DYNC2H1: variants seen among roughly 807,000 people sequenced by gnomAD.
The protein encoded by DYNC2H1 is dynein cytoplasmic 2 heavy chain 1.
A neutral mutation model predicts 570.0 loss-of-function variants in DYNC2H1; 410 were observed. The ratio of observed to expected loss-of-function variants is 0.72; its 90% confidence interval spans 0.66 to 0.78. The LOEUF (loss-of-function observed/expected upper bound fraction) is 0.78, where lower values mean the gene tolerates loss of function less well. DYNC2H1 is among the 30% of genes least tolerant of loss of function. The pLI, the probability that DYNC2H1 is intolerant of heterozygous loss-of-function variation, is 0.00. For synonymous variants in DYNC2H1, 1,688 were observed against 1,677.6 expected, an observed-to-expected ratio of 1.01 and a Z score of -0.15; for missense variants, 4,865 against 5,046.4, an observed-to-expected ratio of 0.96 and a Z score of 1.09.
chr11:103,154,366 G>T, intron 22 of DYNC2H1, 85 bp from the exon 23 acceptor site: 1 of 1,190,184 alleles, frequency 8.4e-7, no homozygotes. Flanking sequence ...CACATACAAG[G>T]ATTGCAGTTA....
chr11:103,219,514 A>C (rs1186327199), intron 55 of DYNC2H1, among the ~76,000 whole-genome samples: 1 of 152,182 alleles, frequency 6.6e-6, no homozygotes, highest in Non-Finnish European at 1.5e-5. Context: ...TGTGAGGCTG[A>C]GGTAGGAGAA....
intron 54 of DYNC2H1, among the ~76,000 whole-genome samples, chr11:103,215,085 G>A (rs985292868): frequency 4.6e-5 from 7 of 151,998 alleles, no homozygotes; most frequent in African/African-American, 1.7e-4. Context: ...ATAAAATCAT[G>A]CCCAGCTATA....
At chr11:103,196,742 A>C (rs1459244414) in intron 47 of DYNC2H1, among the ~76,000 whole-genome samples, 1 of 152,172 alleles carries the variant, frequency 6.6e-6, no homozygotes, top group Non-Finnish European at 1.5e-5. Flanking sequence ...ACATAGATGC[A>C]AGCACAAAAG....
At position 103,228,773 on chromosome 11, in the gene DYNC2H1, G is replaced by A. The variant is rs55653207; in HGVS notation, c.9354-2487G>A. ...GGTTAACTCTTCAGGTTTCTCAGGC[G>A]GTGGGCAGGGCCTTAGAGCTTTCAA... On this transcript the variant is annotated intron_variant, in intron 59 of 88. Transcript: ENST00000375735. This position sits in a 1 kb window ranked among gnomAD's most constrained non-coding sequence, Gnocchi z 6.1. Among the ~76,000 whole-genome samples the A allele has an allele frequency of 0.11, 16,935 of 152,130 alleles. 981 individuals carry two copies. The highest frequency in any genetic ancestry group is 0.12 in the Non-Finnish European group (8,163 of 67,980).
At chr11:103,146,272 A>T (rs1044674188) in intron 18 of DYNC2H1, among the ~76,000 whole-genome samples, 1 of 152,216 alleles carries the variant, frequency 6.6e-6, no homozygotes, top group African/African-American at 2.4e-5. Context: ...AAGAAAGGCA[A>T]ATAGCTTTCC....
chr11:103,338,079 T>C (rs1335872654), intron 82 of DYNC2H1, among the ~76,000 whole-genome samples: 1 of 152,228 alleles, frequency 6.6e-6, no homozygotes, highest in Non-Finnish European at 1.5e-5. Context: ...TCTAGTTTAA[T>C]TCTTCTGCAT....
intron 82 of DYNC2H1, among the ~76,000 whole-genome samples, chr11:103,346,867 A>G (rs1223348223): frequency 2.6e-5 from 4 of 152,318 alleles, no homozygotes; most frequent in Non-Finnish European, 2.9e-5. Flanking sequence ...TAATAAAATA[A>G]TTGGTTCAGA....
chr11:103,281,647 T>C (rs564076842), intron 71 of DYNC2H1, among the ~76,000 whole-genome samples: 2 of 151,322 alleles, frequency 1.3e-5, no homozygotes, highest in African/African-American at 4.8e-5. Flanking sequence ...AACTTGGGGA[T>C]GCCATGGGGA....
Position 103,199,286 on chromosome 11 carries a change from T to C in DYNC2H1, c.7898T>C (p.Val2633Ala), listed in dbSNP as rs1862623806. The change falls in exon 49 of 89, where the codon GTC becomes GCC. Residue 2633 changes from valine (V) to alanine (A), a missense_variant. Coordinates refer to ENST00000375735, the MANE Select transcript of DYNC2H1 (RefSeq NM_001377.3). The surrounding 1 kb of genome is among the most constrained non-coding windows in gnomAD (Gnocchi z 4.6). ...TTAGACATTTTACTTTTCCACGAAGTCTTGGAGTATATGTCTAGGATAGAT... is the reference window on the plus strand; with the variant it reads ...TTAGACATTTTACTTTTCCACGAAGCCTTGGAGTATATGTCTAGGATAGAT... The part of the protein sequence containing the change: ...QNLDILLFHE[V>A]LEYMSRIDRV... The C allele has an allele frequency of 6.2e-7, 1 of 1,610,854 alleles. No homozygotes were observed. Among genetic ancestry groups the C allele is most frequent in the East Asian group, 2.2e-5 (1 of 44,782 alleles).
intron 82 of DYNC2H1, among the ~76,000 whole-genome samples, chr11:103,340,607 A>G (rs1394410024): frequency 6.6e-6 from 1 of 152,160 alleles, no homozygotes; most frequent in African/African-American, 2.4e-5. Flanking sequence ...GGCCTGTCAC[A>G]TTTTATGGTA....
rs899513404 is a variant in DYNC2H1, at chr11:103,129,859, G to A, written c.1953+854G>A. On this transcript the variant is annotated intron_variant, in intron 13 of 88. Coordinates refer to ENST00000375735, the MANE Select transcript of DYNC2H1 (RefSeq NM_001377.3). This position sits in a 1 kb window ranked among gnomAD's most constrained non-coding sequence, Gnocchi z 4.1. ...TATACCATTTTATTTTTTTCTATTT[G>A]AAAGTGGATAACTAGTTGTGTCAGG... Among the ~76,000 whole-genome samples, 3 of 151,964 alleles carry A rather than the reference G, an allele frequency of 2.0e-5. No homozygotes were observed. Among genetic ancestry groups the A allele is most frequent in the Non-Finnish European group, 2.9e-5 (2 of 67,988 alleles).
intron 63 of DYNC2H1, 90 bp downstream of exon 63, chr11:103,236,629 C>T (rs1055941174): frequency 2.8e-5 from 18 of 645,382 alleles, no homozygotes; most frequent in Non-Finnish European, 4.6e-5. Context: ...TAGTCTTTCA[C>T]AGTTACCCTT....
rs553635687 is a variant in DYNC2H1, at chr11:103,362,955, C to T, written c.12156+4596C>T. ...CTGAGGCAGGAGAATCACCTGAACCCGGGAGACAGAGGTTGCAGTGAGCCA... is the reference window on the plus strand; with the variant it reads ...CTGAGGCAGGAGAATCACCTGAACCTGGGAGACAGAGGTTGCAGTGAGCCA... On this transcript the variant is annotated intron_variant, in intron 83 of 88. Coordinates refer to ENST00000375735, the MANE Select transcript of DYNC2H1 (RefSeq NM_001377.3). Among the ~76,000 whole-genome samples the T allele has an allele frequency of 3.4e-3, 522 of 152,052 alleles. 13 individuals carry two copies. Among genetic ancestry groups the T allele is most frequent in the Non-Finnish European group, 1.6e-3 (108 of 67,988 alleles).
In DYNC2H1 at chr11:103,129,642, CCACTG is replaced by C. The variant is rs201801251; in HGVS notation, c.1953+642_1953+646del. Among the ~76,000 whole-genome samples, 428 of 151,986 alleles carry C rather than the reference CCACTG, an allele frequency of 2.8e-3. 9 individuals carry two copies. The highest frequency in any genetic ancestry group is 0.02 in the East Asian group (103 of 5,146). The stretch of plus-strand genomic sequence containing the variant: ...GAGGTTGCAGTGGGTCGAGATCGTG[CCACTG>C]CACTCTAGCCTGGGAGACAGAGCGA... On this transcript the variant is annotated intron_variant, in intron 13 of 88. Transcript: ENST00000375735. This position sits in a 1 kb window ranked among gnomAD's most constrained non-coding sequence, Gnocchi z 4.1.
chr11:103,109,625 C>G lies in DYNC2H1; in HGVS notation c.51C>G (p.Thr17=), dbSNP rs772819492. 6.2e-7 allele frequency: 1 copy of G among 1,613,968 alleles called. No individual in the cohort carries two copies. ...GGAAGCTCTTCATCTTCACTACTACCCAGAATTACTTCGGGTTGATGTCTG... is the reference window on the plus strand; with the variant it reads ...GGAAGCTCTTCATCTTCACTACTACGCAGAATTACTTCGGGTTGATGTCTG... The part of the protein sequence containing the change: ...DVRKLFIFTT[T]QNYFGLMSEL... The change falls in exon 1 of 89, where the codon ACC becomes ACG. Residue 17 remains threonine, a synonymous_variant. Coordinates refer to ENST00000375735, the MANE Select transcript of DYNC2H1 (RefSeq NM_001377.3).
In DYNC2H1 at chr11:103,263,983, G is replaced by A. The variant is rs1023963637; in HGVS notation, c.10695+4006G>A. ...CAAGACTAATAAAGAAGAAAAGAGA[G>A]AAGAATCAAATAGATGCAATAAAAA... is the stretch of plus-strand genomic sequence containing the variant. On this transcript the variant is annotated intron_variant, in intron 70 of 88. Transcript: ENST00000375735. Among the ~76,000 whole-genome samples the A allele has an allele frequency of 2.0e-5, 3 of 151,750 alleles. No individual in the cohort carries two copies. In the East Asian group the frequency reaches 5.8e-4, roughly 29 times the overall value.
chr11:103,379,043 A>G (rs989366833), intron 83 of DYNC2H1, among the ~76,000 whole-genome samples: 27 of 152,116 alleles, frequency 1.8e-4, no homozygotes, highest in African/African-American at 6.0e-4. Context: ...ATTGCATGCT[A>G]TGGTATATTA....
At chr11:103,343,078 C>T (rs72977687) in intron 82 of DYNC2H1, among the ~76,000 whole-genome samples, 32,971 of 152,062 alleles carry the variant, frequency 0.22, 3,721 homozygotes, top group Admixed American at 0.31. Flanking sequence ...GGCTAACAAC[C>T]CCTGACTCTT....
intron 57 of DYNC2H1, among the ~76,000 whole-genome samples, chr11:103,221,558 T>C (rs1863587225): frequency 6.6e-6 from 1 of 152,196 alleles, no homozygotes. Flanking sequence ...TACATCTCTC[T>C]AGAGTTTTTG....
Sources: allele counts gnomAD v4.1 joint callset (sites outside exome capture counted in the v4.1 genomes callset), GRCh38; gene constraint gnomAD v4.1.1; non-coding constraint Gnocchi (gnomAD v3.1); transcripts MANE v1.5; gene names NCBI Gene and HGNC (gene_info 2026-07-23, HGNC 2026-07-21).